SYNE3: variants seen among roughly 807,000 people sequenced by gnomAD.
SYNE3 encodes spectrin repeat containing nuclear envelope family member 3, also known as nesprin-3.
Under a neutral mutation model 111.2 loss-of-function variants are expected in SYNE3, and 100 were observed. The ratio of observed to expected loss-of-function variants is 0.90; its 90% CI spans 0.77 to 1.06. The LOEUF (loss-of-function observed/expected upper bound fraction) is 1.06. Ranked by LOEUF, SYNE3 falls within the 50% of genes least tolerant of loss-of-function variation. SYNE3 has a pLI of 0.00. For synonymous variants in SYNE3, 547 were observed against 533.9 expected, an observed-to-expected ratio of 1.02 and a Z score of -0.34; for missense variants, 1,160 against 1,240.3, an observed-to-expected ratio of 0.94 and a Z score of 0.97.
At chr14:95,475,410 A>G (rs953135939) in intron 2 of SYNE3, among the ~76,000 whole-genome samples, 10 of 152,238 alleles carry the variant, frequency 6.6e-5, no homozygotes, top group Non-Finnish European at 1.5e-4. Context: ...GACAGGCTCT[A>G]GTTCCTTGTC....
intron 5 of SYNE3, among the ~76,000 whole-genome samples, chr14:95,456,893 G>A (rs1887475795): frequency 6.6e-6 from 1 of 152,056 alleles, no homozygotes; most frequent in Admixed American, 6.6e-5. Context: ...GACCATCCTG[G>A]CTAACATGGT....
intron 1 of SYNE3, among the ~76,000 whole-genome samples, 167 bp downstream of exon 1, chr14:95,516,428 GC>G (rs931241456): frequency 3.3e-5 from 5 of 152,080 alleles, no homozygotes; most frequent in Non-Finnish European, 7.4e-5. Flanking sequence ...TCACGCCGGG[GC>G]CCCCGCCCCC....
At chr14:95,461,270 C>A (rs1341360783) in intron 4 of SYNE3, among the ~76,000 whole-genome samples, 1 of 152,240 alleles carries the variant, frequency 6.6e-6, no homozygotes, top group Non-Finnish European at 1.5e-5. Context: ...AGATGCCAGA[C>A]AGACGCGCCT....
rs771679025 is a variant in SYNE3, at chr14:95,450,066, C to A, written c.1314G>T (p.Ala438=). The change falls in exon 8 of 18, where the codon GCG becomes GCT. Residue 438 remains alanine, a synonymous_variant. Coordinates refer to ENST00000682763, the MANE Select transcript of SYNE3 (RefSeq NM_152592.6). ...GCTGGAAATGCTGCCACAGCTCCAC[C>A]GCCGCGGCATTGCGCAGCCTCGCGC... The part of the protein sequence containing the change: ...VKSARLRNAA[A]VELWQHFQRP... The A allele has an allele frequency of 6.4e-7, 1 of 1,572,252 alleles. No homozygotes were observed. The highest frequency in any genetic ancestry group is 1.4e-5 in the African/African-American group (1 of 73,878).
chr14:95,442,500 G>C (rs962913341), intron 11 of SYNE3, among the ~76,000 whole-genome samples: 13 of 152,186 alleles, frequency 8.5e-5, no homozygotes, highest in South Asian at 8.3e-4. Flanking sequence ...GTGAGCACCA[G>C]AGACCCTGCT....
intron 1 of SYNE3, among the ~76,000 whole-genome samples, chr14:95,515,824 G>T (rs1355104210): frequency 6.6e-6 from 1 of 152,258 alleles, no homozygotes; most frequent in African/African-American, 2.4e-5. Flanking sequence ...ACCCCGCCCA[G>T]GCTGGAGGCC....
At chr14:95,466,690 C>A (rs1023378896) in intron 3 of SYNE3, among the ~76,000 whole-genome samples, 19 of 152,354 alleles carry the variant, frequency 1.2e-4, no homozygotes, top group African/African-American at 3.4e-4. Context: ...ATTTTAGGAG[C>A]AGACTGCGGT....
intron 2 of SYNE3, among the ~76,000 whole-genome samples, chr14:95,468,925 C>T (rs1888355426): frequency 6.6e-6 from 1 of 152,104 alleles, no homozygotes; most frequent in African/African-American, 2.4e-5. Context: ...TGACTGGATT[C>T]CAATCCCAGG....
chr14:95,499,160 C>T lies in SYNE3; in HGVS notation c.-15+17436G>A, dbSNP rs140649741. Among the ~76,000 whole-genome samples the T allele has an allele frequency of 9.8e-4, 149 of 152,272 alleles. 1 individual carries two copies. In the East Asian group the frequency reaches 0.016, roughly 17 times the overall value. ...TTTCCTGGATCCAGAGGCTTAGGCA[C>T]GAGGATGTTTCCATTCATTTCCCGG... is the stretch of plus-strand genomic sequence containing the variant. On this transcript the variant is annotated intron_variant, in intron 1 of 17. Coordinates refer to ENST00000682763, the MANE Select transcript of SYNE3 (RefSeq NM_152592.6).
rs985208214 is a variant in SYNE3 at position 95,417,816 on chromosome 14, C to T, written c.*10G>A. 6.8e-6 allele frequency: 11 copies of T among 1,613,960 alleles called. No individual in the cohort carries two copies. The African/African-American group carries it at 1.1e-4, about 16-fold the overall frequency. On this transcript the variant is annotated 3_prime_UTR_variant, in exon 18 of 18. Coordinates refer to ENST00000682763, the MANE Select transcript of SYNE3 (RefSeq NM_152592.6). ...GTTGGAGGAGAAAGTCACCTGTGTG[C>T]CCCAGTGGGTTAGGTGGGTGGTGGG... is the stretch of plus-strand genomic sequence containing the variant.
At chr14:95,486,085 C>T (rs1160644235) in intron 1 of SYNE3, among the ~76,000 whole-genome samples, 1 of 152,192 alleles carries the variant, frequency 6.6e-6, no homozygotes, top group Middle Eastern at 3.4e-3. Flanking sequence ...GGCCCTTCCC[C>T]GACCCCACAC....
chr14:95,466,133 A>G lies in SYNE3; in HGVS notation c.425T>C (p.Leu142Pro). 6.2e-7 allele frequency: 1 copy of G among 1,612,386 alleles called. No homozygotes were observed. Among genetic ancestry groups the G allele is most frequent in the East Asian group, 2.2e-5 (1 of 44,816 alleles). The change falls in exon 4 of 18, where the codon CTC becomes CCC. Residue 142 changes from leucine (L) to proline (P), a missense_variant. Leu to Pro is a moderately conservative substitution (Grantham distance 98, BLOSUM62 -3). Transcript: ENST00000682763. ...MMVTLEPHIE[L>P]QLGLKEKQWQ... ...CTGCTTCTCCTTCAGGCCCAGCTGG[A>G]GCTCGATGTGGGGCTCCAGTGTGAC...
At chr14:95,450,298 A>G (rs1304472496) in intron 7 of SYNE3, 193 bp from the exon 8 acceptor site, 2 of 685,394 alleles carry the variant, frequency 2.9e-6, no homozygotes, top group Non-Finnish European at 4.8e-6. Flanking sequence ...GATTAATATC[A>G]CTATGAAAAG....
intron 2 of SYNE3, among the ~76,000 whole-genome samples, chr14:95,475,005 C>G (rs940838749): frequency 3.3e-5 from 5 of 152,254 alleles, no homozygotes; most frequent in African/African-American, 1.2e-4. Context: ...TGACCAAGGT[C>G]ACACAGCAAT....
intron 17 of SYNE3, among the ~76,000 whole-genome samples, chr14:95,431,230 C>G (rs566422534): frequency 1.3e-5 from 2 of 152,158 alleles, no homozygotes; most frequent in African/African-American, 2.4e-5. Flanking sequence ...CACCCCAGGC[C>G]CCAGGGAAGT....
In SYNE3 at chr14:95,485,638, C is replaced by G. The variant is rs1387714691; in HGVS notation, c.-14-9803G>C. Among the ~76,000 whole-genome samples, 2 of 152,070 alleles carry G rather than the reference C, an allele frequency of 1.3e-5. No individual in the cohort carries two copies. Among genetic ancestry groups the G allele is most frequent in the African/African-American group, 2.4e-5 (1 of 41,410 alleles). The stretch of plus-strand genomic sequence containing the variant: ...CCCTCTGCCCTCACCAGGCTGTCTC[C>G]TCTCCCTCTCCCCTTACACCACTCC... On this transcript the variant is annotated intron_variant, in intron 1 of 17. Transcript: ENST00000682763. This position sits in a 1 kb window ranked among gnomAD's most constrained non-coding sequence, Gnocchi z 4.3.
intron 6 of SYNE3, 131 bp from the exon 7 acceptor site, chr14:95,452,514 TG>T: frequency 8.1e-7 from 1 of 1,228,410 alleles, no homozygotes; most frequent in Non-Finnish European, 1.1e-6. Flanking sequence ...GGGCAGGAAC[TG>T]GGGCCCCACT....
chr14:95,504,829 GAAAAAA>G (rs1371809307), intron 1 of SYNE3, among the ~76,000 whole-genome samples: 1 of 22,426 alleles, frequency 4.5e-5, no homozygotes, highest in African/African-American at 4.1e-4. Flanking sequence ...TAAAAAAAAA[GAAAAAA>G]GAAAAAAGAA....
intron 17 of SYNE3, chr14:95,429,888 T>C (rs1885648294): frequency 1.0e-6 from 1 of 973,552 alleles, no homozygotes; most frequent in South Asian, 4.8e-5. Context: ...CCCATCCCCC[T>C]CTCTCCACCC....
Sources: gnomAD v4.1 joint callset for allele counts (sites outside exome capture counted in the v4.1 genomes callset) on GRCh38, gnomAD v4.1.1 for gene constraint, Gnocchi (gnomAD v3.1) non-coding constraint, MANE v1.5 for transcripts, NCBI Gene and HGNC (gene_info 2026-07-23, HGNC 2026-07-21) for gene names.